ADGRL3: variants seen among roughly 807,000 people sequenced by gnomAD.
ADGRL3 encodes the protein adhesion G protein-coupled receptor L3.
A neutral mutation model predicts 153.5 loss-of-function variants in ADGRL3; 62 were observed. That is an observed-to-expected ratio of 0.40 (90% confidence interval 0.33 to 0.50). ADGRL3 has a LOEUF of 0.50. Among genes scored for constraint, ADGRL3 ranks in the 20% least tolerant of loss-of-function variants. ADGRL3 has a pLI of 0.47. For synonymous variants in ADGRL3, 710 were observed against 672.5 expected (o/e 1.06, Z -0.86); for missense variants, 1,641 against 1,859.4 (o/e 0.88, Z 2.16).
rs538766724 is a variant in ADGRL3, at chr4:61,769,167, G to A, written c.1399+35613G>A. 1.1e-4 allele frequency among the ~76,000 whole-genome samples: 16 copies of A among 152,164 alleles called. No individual in the cohort carries two copies. The South Asian group carries it at 1.7e-3, about 16-fold the overall frequency. Reference sequence around the variant, plus strand: ...AACGTGAGTGTATAATCAGAGAGGCGTCCCTGCAATGATTAAATACCAAGG... The same window carrying A: ...AACGTGAGTGTATAATCAGAGAGGCATCCCTGCAATGATTAAATACCAAGG... On this transcript the variant is annotated intron_variant, in intron 8 of 26. Coordinates refer to ENST00000683033, the MANE Select transcript of ADGRL3 (RefSeq NM_001387552.1).
intron 1 of ADGRL3, among the ~76,000 whole-genome samples, chr4:61,369,881 C>T (rs1268648343): frequency 6.6e-6 from 1 of 152,014 alleles, no homozygotes; most frequent in African/African-American, 2.4e-5. Context: ...GGTTGGTAAG[C>T]TATTGATTAT....
intron 2 of ADGRL3, among the ~76,000 whole-genome samples, chr4:61,432,622 CTTTCT>C (rs1560623058): frequency 5.7e-5 from 4 of 69,612 alleles, no homozygotes; most frequent in African/African-American, 2.2e-4. Flanking sequence ...TTCTTTCTTT[CTTTCT>C]TTCTTTCTTT....
chr4:61,971,264 G>C (rs57257631), intron 17 of ADGRL3, among the ~76,000 whole-genome samples: 1 of 151,418 alleles, frequency 6.6e-6, no homozygotes, highest in African/African-American at 2.4e-5. Flanking sequence ...CCATTAACTC[G>C]TCATTTAGCA....
At chr4:61,923,554 A>G (rs940253001) in intron 13 of ADGRL3, among the ~76,000 whole-genome samples, 19 of 152,118 alleles carry the variant, frequency 1.2e-4, no homozygotes, top group African/African-American at 4.6e-4. Flanking sequence ...GGAGATGTAA[A>G]TACTTTCAGT....
At chr4:61,655,489 ATAAAT>A (rs1026822433) in intron 5 of ADGRL3, among the ~76,000 whole-genome samples, 4 of 152,170 alleles carry the variant, frequency 2.6e-5, no homozygotes, top group African/African-American at 7.2e-5. Context: ...ATTAACTATA[ATAAAT>A]TAAATTAAAA....
intron 8 of ADGRL3, among the ~76,000 whole-genome samples, chr4:61,737,788 A>T (rs1233032680): frequency 1.3e-5 from 2 of 152,116 alleles, no homozygotes; most frequent in Non-Finnish European, 2.9e-5. Flanking sequence ...AGATACAAAC[A>T]TCACTTGTAG....
chr4:61,810,628 G>T (rs1012696595), intron 8 of ADGRL3, among the ~76,000 whole-genome samples: 3 of 152,094 alleles, frequency 2.0e-5, no homozygotes, highest in African/African-American at 7.2e-5. Flanking sequence ...AGAGATTGAA[G>T]ATAGAAAAAT....
intron 6 of ADGRL3, among the ~76,000 whole-genome samples, chr4:61,705,589 C>T (rs1241820542): frequency 2.0e-5 from 3 of 151,764 alleles, no homozygotes; most frequent in African/African-American, 7.3e-5. Context: ...CCTCTGCCTC[C>T]TGGGTTCAAG....
intron 8 of ADGRL3, among the ~76,000 whole-genome samples, chr4:61,768,560 G>A (rs186735666): frequency 2.6e-5 from 4 of 152,058 alleles, no homozygotes; most frequent in Non-Finnish European, 4.4e-5. Flanking sequence ...TTTAGATCTT[G>A]TAGGGTGGAA....
intron 5 of ADGRL3, among the ~76,000 whole-genome samples, chr4:61,611,562 T>G (rs2149688703): frequency 6.6e-6 from 1 of 152,218 alleles, no homozygotes; most frequent in East Asian, 1.9e-4. Context: ...GAAATTTAAG[T>G]GAAAAATATC....
chr4:61,687,133 A>C (rs1046920884), intron 6 of ADGRL3, among the ~76,000 whole-genome samples: 5 of 151,898 alleles, frequency 3.3e-5, no homozygotes, highest in Admixed American at 6.6e-5. Context: ...TTAATTGCCC[A>C]ATTTTTTTTT....
intron 2 of ADGRL3, among the ~76,000 whole-genome samples, chr4:61,402,487 A>T (rs1352138937): frequency 1.3e-5 from 2 of 152,098 alleles, no homozygotes; most frequent in Non-Finnish European, 2.9e-5. Context: ...AGCTAGATGA[A>T]GATTTGGACA....
chr4:61,459,525 G>A (rs2097787407), intron 2 of ADGRL3, among the ~76,000 whole-genome samples: 1 of 151,850 alleles, frequency 6.6e-6, no homozygotes, highest in African/African-American at 2.4e-5. Flanking sequence ...TTGGTAAAGA[G>A]GTATCTTCGA....
At chr4:61,640,654 T>C (rs1184813663) in intron 5 of ADGRL3, among the ~76,000 whole-genome samples, 1 of 152,192 alleles carries the variant, frequency 6.6e-6, no homozygotes, top group Non-Finnish European at 1.5e-5. Flanking sequence ...AGACAATCAA[T>C]AGGAATTTTT....
chr4:61,812,566 G>A (rs1206517462), intron 8 of ADGRL3, among the ~76,000 whole-genome samples: 1 of 152,168 alleles, frequency 6.6e-6, no homozygotes, highest in East Asian at 1.9e-4. Flanking sequence ...TCCCATTGTA[G>A]AAAGAAAGTA....
At chr4:61,502,922 G>A (rs987367151) in intron 3 of ADGRL3, among the ~76,000 whole-genome samples, 5 of 152,046 alleles carry the variant, frequency 3.3e-5, no homozygotes, top group African/African-American at 9.7e-5. Context: ...GCCAACCTAG[G>A]TAATTTGTAA....
intron 3 of ADGRL3, among the ~76,000 whole-genome samples, chr4:61,498,372 A>G (rs1457211277): frequency 1.3e-5 from 2 of 152,086 alleles, no homozygotes; most frequent in African/African-American, 4.8e-5. Context: ...AACACCGTGA[A>G]ACCCCGTCTC....
chr4:61,542,799 A>C (rs2098696274), intron 4 of ADGRL3, among the ~76,000 whole-genome samples: 1 of 151,934 alleles, frequency 6.6e-6, no homozygotes, highest in Admixed American at 6.6e-5. Flanking sequence ...CCATTCCTTC[A>C]CCTCACATCC....
chr4:61,933,184 A>G (rs1256634439), intron 13 of ADGRL3, among the ~76,000 whole-genome samples: 1 of 152,148 alleles, frequency 6.6e-6, no homozygotes, highest in Non-Finnish European at 1.5e-5. Context: ...TAATGAATTC[A>G]CAGTATCATC....
Sources: gnomAD v4.1 joint callset for allele counts (sites outside exome capture counted in the v4.1 genomes callset) on GRCh38, gnomAD v4.1.1 for gene constraint, MANE v1.5 for transcripts, NCBI Gene and HGNC (gene_info 2026-07-23, HGNC 2026-07-21) for gene names.